The following GRAMD1B variants were observed in gnomAD, a reference collection of about 807,000 sequenced individuals.
GRAMD1B encodes GRAM domain containing 1B, also known as protein Aster-B.
In GRAMD1B, 37 loss-of-function variants were observed where a neutral mutation model predicts 99.7. That is an observed-to-expected ratio of 0.37 (90% CI 0.29 to 0.49). The LOEUF is 0.49. GRAMD1B is among the 20% of genes least tolerant of loss of function. The pLI is 0.98. For missense variants in GRAMD1B, 888 were observed against 1,009.2 expected (o/e 0.88, Z 1.63); for synonymous variants, 427 against 387.6 (o/e 1.10, Z -1.19).
intron 1 of GRAMD1B, among the ~76,000 whole-genome samples, chr11:123,453,383 C>A (rs748000362): frequency 3.9e-5 from 6 of 152,084 alleles, no homozygotes; most frequent in Non-Finnish European, 8.8e-5. Context: ...GTGGTGCAAT[C>A]CTGGCTCACT....
rs368738415 is a variant in GRAMD1B at position 123,505,728 on chromosome 11, C to T, written c.452+24835C>T. Among the ~76,000 whole-genome samples the T allele has an allele frequency of 2.0e-5, 3 of 152,106 alleles. No homozygotes were observed. The East Asian group carries it at 5.8e-4, about 29-fold the overall frequency. On this transcript the variant is annotated intron_variant, in intron 2 of 19. Transcript: ENST00000635736. ...TGAAACTCTTCCTCACGCTCAGCTGCCTCTAGAAGTTGATGGTTAACAAGC... is the reference window on the plus strand; with the variant it reads ...TGAAACTCTTCCTCACGCTCAGCTGTCTCTAGAAGTTGATGGTTAACAAGC...
rs1592170633 is a variant in GRAMD1B, at chr11:123,591,859, T to C, written c.685-2223T>C. ...AAAGGAGTTTCCAGACTGGCTGACT[T>C]AGCAGGCCAGGGCTGGATTCACTCT... On this transcript the variant is annotated intron_variant, in intron 4 of 19. Coordinates refer to ENST00000635736, the MANE Select transcript of GRAMD1B (RefSeq NM_001387025.1). The surrounding 1 kb of genome is among the most constrained non-coding windows in gnomAD (Gnocchi z 4.7). 6.6e-6 allele frequency among the ~76,000 whole-genome samples: 1 copy of C among 152,240 alleles called. No homozygotes were observed. Among genetic ancestry groups the C allele is most frequent in the East Asian group, 1.9e-4 (1 of 5,156 alleles).
chr11:123,419,037 C>T (rs1296468749), intron 1 of GRAMD1B, among the ~76,000 whole-genome samples: 7 of 152,178 alleles, frequency 4.6e-5, no homozygotes, highest in South Asian at 2.1e-4. Context: ...TGGAAAGAGA[C>T]GTGGGTAAAC....
intron 17 of GRAMD1B, among the ~76,000 whole-genome samples, chr11:123,616,313 C>G (rs1474166407): frequency 6.6e-6 from 1 of 152,144 alleles, no homozygotes; most frequent in African/African-American, 2.4e-5. Context: ...AAGAGTGAGA[C>G]TCCATCTCAA....
At position 123,606,748 on chromosome 11, in the gene GRAMD1B, A is replaced by G. The variant is rs1426518441; in HGVS notation, c.1463A>G (p.Asn488Ser). 1.2e-6 allele frequency: 2 copies of G among 1,613,834 alleles called. No homozygotes were observed. Among genetic ancestry groups the G allele is most frequent in the East Asian group, 2.2e-5 (1 of 44,866 alleles). Reference sequence around the variant, plus strand: ...TCCCCTTCACTGGACTTCAATGACAATGAGGACATCCCCACTGAGCTCAGT... The same window carrying G: ...TCCCCTTCACTGGACTTCAATGACAGTGAGGACATCCCCACTGAGCTCAGT... Reference protein sequence around the residue: ...VNSPSLDFNDNEDIPTELSDS... With the variant: ...VNSPSLDFNDSEDIPTELSDS... Residue 488 changes from asparagine to serine, a missense_variant, in exon 11 of 20, where the codon AAT becomes AGT. Physicochemically the swap from Asn to Ser is conservative, Grantham distance 46 (BLOSUM62 1). Coordinates refer to ENST00000635736, the MANE Select transcript of GRAMD1B (RefSeq NM_001387025.1).
At chr11:123,609,552 C>T (rs1333966424) in intron 12 of GRAMD1B, among the ~76,000 whole-genome samples, 2 of 152,170 alleles carry the variant, frequency 1.3e-5, no homozygotes, top group African/African-American at 4.8e-5. Flanking sequence ...CTGTCCCAGC[C>T]CCAGGAACAA....
chr11:123,415,095 CTTTTTTTTTTTTTTTT>C (rs1175202539), intron 1 of GRAMD1B, among the ~76,000 whole-genome samples: 4 of 75,832 alleles, frequency 5.3e-5, no homozygotes, highest in Admixed American at 1.7e-4. Context: ...CTTTTTCTTT[CTTTTTTTTTTTTTTTT>C]TTTTTTTTTT....
intron 7 of GRAMD1B, chr11:123,599,523 A>G (rs1471234786): frequency 1.9e-6 from 1 of 533,858 alleles, no homozygotes; most frequent in Non-Finnish European, 3.6e-6. Flanking sequence ...CCCAGGCTGG[A>G]GTGCAGTAGC....
chr11:123,605,807 C>T (rs1481961373), intron 10 of GRAMD1B, among the ~76,000 whole-genome samples: 2 of 152,208 alleles, frequency 1.3e-5, no homozygotes, highest in Middle Eastern at 3.2e-3. Flanking sequence ...CTGCCTTGAT[C>T]TGACGTCAAA....
intron 8 of GRAMD1B, among the ~76,000 whole-genome samples, chr11:123,602,539 T>A (rs1311312132): frequency 6.6e-6 from 1 of 151,972 alleles, no homozygotes; most frequent in African/African-American, 2.4e-5. Flanking sequence ...AGATAATGAT[T>A]GCTTCTGTTT....
intron 2 of GRAMD1B, among the ~76,000 whole-genome samples, chr11:123,518,064 T>C (rs1941843396): frequency 6.6e-6 from 1 of 152,180 alleles, no homozygotes; most frequent in African/African-American, 2.4e-5. Context: ...TTTTCTTTTG[T>C]TACGTGTGTA....
At chr11:123,566,311 A>G (rs1023885527) in intron 2 of GRAMD1B, among the ~76,000 whole-genome samples, 2 of 152,246 alleles carry the variant, frequency 1.3e-5, no homozygotes, top group Non-Finnish European at 2.9e-5. Context: ...TGATAAGGCT[A>G]GCAGAGAGTC....
intron 1 of GRAMD1B, among the ~76,000 whole-genome samples, chr11:123,363,377 A>C (rs1388703481): frequency 6.6e-6 from 1 of 152,226 alleles, no homozygotes. Flanking sequence ...TCAGATAAGA[A>C]GGTATCCTCA....
At chr11:123,421,516 C>T (rs1256663324) in intron 1 of GRAMD1B, among the ~76,000 whole-genome samples, 1 of 152,174 alleles carries the variant, frequency 6.6e-6, no homozygotes, top group African/African-American at 2.4e-5. Flanking sequence ...TTATCTTGCC[C>T]ATGCCTCAGT....
intron 1 of GRAMD1B, among the ~76,000 whole-genome samples, chr11:123,462,711 C>T (rs1048514936): frequency 3.3e-5 from 5 of 151,940 alleles, no homozygotes; most frequent in African/African-American, 1.2e-4. Flanking sequence ...ATCACCAATC[C>T]CTAATCTCAA....
chr11:123,624,209 C>CCCCAGATGT lies in GRAMD1B; in HGVS notation c.*1630_*1638dup, dbSNP rs1178441872. ...CTTCTTGACACAGGGGCAGAAGAAA[C>CCCCAGATGT]CCCAGATGTCCCAGATGTCCCAGAA... On this transcript the variant is annotated 3_prime_UTR_variant, in exon 20 of 20. Coordinates refer to ENST00000635736, the MANE Select transcript of GRAMD1B (RefSeq NM_001387025.1). 6.6e-6 allele frequency: 1 copy of CCCCAGATGT among 152,184 alleles called. No individual in the cohort carries two copies. Among genetic ancestry groups the CCCCAGATGT allele is most frequent in the Non-Finnish European group, 1.5e-5 (1 of 68,028 alleles). The allele number at this position is 152,184 out of a possible 1,614,324, so 9.4% of individuals were successfully genotyped here. A position where few individuals can be genotyped will look rare whatever the true frequency, so the allele number is the denominator to read the frequency against.
intron 2 of GRAMD1B, among the ~76,000 whole-genome samples, chr11:123,558,404 A>T (rs1244948240): frequency 6.6e-6 from 1 of 152,176 alleles, no homozygotes; most frequent in Non-Finnish European, 1.5e-5. Flanking sequence ...CAGAACCTGC[A>T]ATTAAGTTCT....
chr11:123,390,995 G>A (rs1005417553), intron 1 of GRAMD1B, among the ~76,000 whole-genome samples: 1 of 152,168 alleles, frequency 6.6e-6, no homozygotes, highest in Admixed American at 6.5e-5. Context: ...CTTCTTCTAG[G>A]CCACTGAGTG....
intron 4 of GRAMD1B, among the ~76,000 whole-genome samples, chr11:123,593,087 C>G (rs1479167711): frequency 6.6e-6 from 1 of 151,910 alleles, no homozygotes; most frequent in Admixed American, 6.6e-5. Flanking sequence ...CAAAAATTAG[C>G]CGGGAGAGGT....
Sources: gnomAD v4.1 joint callset for allele counts (sites outside exome capture counted in the v4.1 genomes callset) on GRCh38, gnomAD v4.1.1 for gene constraint, Gnocchi (gnomAD v3.1) non-coding constraint, MANE v1.5 for transcripts, NCBI Gene and HGNC (gene_info 2026-07-23, HGNC 2026-07-21) for gene names.